Variants in USP3 observed in about 807,000 individuals in gnomAD.
The protein encoded by USP3 is ubiquitin specific peptidase 3.
In USP3, 20 loss-of-function variants were observed where a neutral mutation model predicts 72.3. The observed-to-expected ratio is 0.28, with a 90% CI of 0.19 to 0.40. The LOEUF is 0.40. USP3 is among the 10% of genes least tolerant of loss of function. The pLI is 1.00. For missense variants in USP3, 479 were observed against 633.9 expected, an observed-to-expected ratio of 0.76 and a Z score of 2.62; for synonymous variants, 222 against 225.3, an observed-to-expected ratio of 0.99 and a Z score of 0.13.
chr15:63,522,479 G>T lies in USP3; in HGVS notation c.92-10168G>T, dbSNP rs572452822. On this transcript the variant is annotated intron_variant, in intron 1 of 14. Coordinates refer to ENST00000380324, the MANE Select transcript of USP3 (RefSeq NM_006537.4). Reference sequence around the variant, plus strand: ...GGAAAGGTTGGGAAAGTAGGCTAAAGCACAGTCTCAAAATTAGCCTCTAAG... The same window carrying T: ...GGAAAGGTTGGGAAAGTAGGCTAAATCACAGTCTCAAAATTAGCCTCTAAG... Among the ~76,000 whole-genome samples the T allele has an allele frequency of 2.0e-4, 31 of 152,326 alleles. No homozygotes were observed. In the South Asian group the frequency reaches 6.4e-3, roughly 32 times the overall value.
rs183947823 is a variant in USP3 at position 63,512,650 on chromosome 15, G to T, written c.91+7820G>T. Among the ~76,000 whole-genome samples the T allele has an allele frequency of 1.7e-3, 261 of 152,030 alleles. 1 individual carries two copies. Among genetic ancestry groups the T allele is most frequent in the African/African-American group, 6.0e-3 (250 of 41,448 alleles). Reference sequence around the variant, plus strand: ...AGTAGAGACGGGGTTTCACTGTGTTGGCCAGGCTGGTCTTGAACTCCTGAC... The same window carrying T: ...AGTAGAGACGGGGTTTCACTGTGTTTGCCAGGCTGGTCTTGAACTCCTGAC... On this transcript the variant is annotated intron_variant, in intron 1 of 14. Transcript: ENST00000380324.
chr15:63,514,145 T>G (rs2152649053), intron 1 of USP3, among the ~76,000 whole-genome samples: 1 of 152,362 alleles, frequency 6.6e-6, no homozygotes, highest in Non-Finnish European at 1.5e-5. Context: ...AATTTAATTC[T>G]GAGAGCTTAA....
At chr15:63,522,802 A>G (rs2065936699) in intron 1 of USP3, among the ~76,000 whole-genome samples, 1 of 152,226 alleles carries the variant, frequency 6.6e-6, no homozygotes, top group Non-Finnish European at 1.5e-5. Flanking sequence ...TTGACATTTT[A>G]TTCATTGCTA....
intron 9 of USP3, among the ~76,000 whole-genome samples, chr15:63,571,462 G>T (rs760124535): frequency 3.9e-5 from 6 of 152,202 alleles, no homozygotes; most frequent in Non-Finnish European, 8.8e-5. Flanking sequence ...CAAAATGATT[G>T]TCCCTCTAGG....
rs1336403823 is a variant in USP3, at chr15:63,591,870, A to G, written c.*1044A>G. ...TCTGGCCTATCCTGATTGATAGGAC[A>G]AGTTGAAAATACTGTTGGAGTAAGT... On this transcript the variant is annotated 3_prime_UTR_variant, in exon 15 of 15. Coordinates refer to ENST00000380324, the MANE Select transcript of USP3 (RefSeq NM_006537.4). The G allele has an allele frequency of 6.6e-6, 1 of 151,840 alleles. No individual in the cohort carries two copies. The highest frequency in any genetic ancestry group is 1.5e-5 in the Non-Finnish European group (1 of 67,954). The allele number at this position is 151,840 out of a possible 1,614,324, so 9.4% of individuals were successfully genotyped here. A position where few individuals can be genotyped will look rare whatever the true frequency, so the allele number is the denominator to read the frequency against.
chr15:63,581,348 TGTG>T (rs2066956937), intron 11 of USP3, among the ~76,000 whole-genome samples: 7 of 4,226 alleles, frequency 1.7e-3, no homozygotes, highest in East Asian at 6.1e-3. Flanking sequence ...TTGGTTTTTG[TGTG>T]TGTGTGTGTG....
At chr15:63,579,414 A>T (rs1287884550) in intron 11 of USP3, among the ~76,000 whole-genome samples, 1 of 152,252 alleles carries the variant, frequency 6.6e-6, no homozygotes, top group East Asian at 1.9e-4. Context: ...TGCTAATGTA[A>T]AATATTTATG....
chr15:63,568,238 G>GC (rs1238457742), intron 8 of USP3, among the ~76,000 whole-genome samples: 2 of 151,874 alleles, frequency 1.3e-5, no homozygotes, highest in East Asian at 3.9e-4. Context: ...TGTAATCCCA[G>GC]CTACTCTGGA....
intron 14 of USP3, 65 bp from the exon 15 acceptor site, chr15:63,590,596 A>G: frequency 7.2e-7 from 1 of 1,382,778 alleles, no homozygotes. Context: ...CTAACATTAT[A>G]TAGTTGTACA....
intron 1 of USP3, among the ~76,000 whole-genome samples, chr15:63,513,304 A>T (rs144768232): frequency 6.6e-6 from 1 of 152,236 alleles, no homozygotes; most frequent in Admixed American, 6.5e-5. Flanking sequence ...TTAACTGATT[A>T]TAAGAAAGTA....
chr15:63,534,535 T>C (rs958789243), intron 2 of USP3, among the ~76,000 whole-genome samples: 6 of 152,182 alleles, frequency 3.9e-5, no homozygotes, highest in African/African-American at 1.4e-4. Flanking sequence ...AATCCAAAAC[T>C]AGATGAGGGA....
intron 1 of USP3, among the ~76,000 whole-genome samples, chr15:63,518,512 A>T (rs1232135708): frequency 2.0e-5 from 3 of 152,224 alleles, no homozygotes; most frequent in Admixed American, 6.5e-5. Context: ...TATGATCTTA[A>T]TTGGAAGTAA....
chr15:63,575,625 C>T (rs1489244391), intron 11 of USP3, among the ~76,000 whole-genome samples: 3 of 152,170 alleles, frequency 2.0e-5, no homozygotes, highest in Non-Finnish European at 4.4e-5. Context: ...TGTTGATTGT[C>T]TCCTTAACAG....
At position 63,588,514 on chromosome 15, in the gene USP3, G is replaced by A; in HGVS notation, c.1215+91G>A. On this transcript the variant is annotated intron_variant, in intron 12 of 14. Transcript: ENST00000380324. The surrounding 1 kb of genome is among the most constrained non-coding windows in gnomAD (Gnocchi z 4.6). ...TCTATAACTTTACACTATGTGAACT[G>A]TTCTGTATTTTTCTCTAGGATTTTC... is the stretch of plus-strand genomic sequence containing the variant. The A allele has an allele frequency of 1.9e-6, 2 of 1,069,912 alleles. No individual in the cohort carries two copies. The highest frequency in any genetic ancestry group is 2.8e-6 in the Non-Finnish European group (2 of 722,712). The allele number at this position is 1,069,912 out of a possible 1,614,324, so 66.3% of individuals were successfully genotyped here.
intron 3 of USP3, among the ~76,000 whole-genome samples, chr15:63,546,571 T>C (rs12914183): frequency 0.48 from 72,526 of 152,014 alleles, 18,256 homozygotes; most frequent in Non-Finnish European, 0.56. Flanking sequence ...TTTTAGAACT[T>C]TTAAATCCAT....
intron 2 of USP3, among the ~76,000 whole-genome samples, chr15:63,534,321 G>A (rs558815693): frequency 1.3e-5 from 2 of 152,104 alleles, no homozygotes; most frequent in Non-Finnish European, 2.9e-5. Context: ...TAGACTGCTT[G>A]TCTTTAGGGA....
intron 11 of USP3, among the ~76,000 whole-genome samples, chr15:63,576,797 T>C (rs1228866704): frequency 3.3e-5 from 5 of 152,216 alleles, no homozygotes; most frequent in Non-Finnish European, 7.3e-5. Context: ...CTTTAAAAAG[T>C]CGATGACAGG....
At chr15:63,537,735 G>T (rs1351584686) in intron 3 of USP3, among the ~76,000 whole-genome samples, 1 of 152,136 alleles carries the variant, frequency 6.6e-6, no homozygotes, top group Non-Finnish European at 1.5e-5. Flanking sequence ...GCCCAGGCTG[G>T]AGTGCAATGG....
At position 63,593,815 on chromosome 15, in the gene USP3, T is replaced by C. The variant is rs1445506590; in HGVS notation, c.*2989T>C. The C allele has an allele frequency of 6.6e-6, 1 of 152,258 alleles. No homozygotes were observed. Among genetic ancestry groups the C allele is most frequent in the Non-Finnish European group, 1.5e-5 (1 of 68,046 alleles). The allele number at this position is 152,258 out of a possible 1,614,324, so 9.4% of individuals were successfully genotyped here. ...CCTTGTGCCATGTTGTCTCCAGCAA[T>C]ATATGTGGCTTCTGGCTCAGAGCTT... On this transcript the variant is annotated 3_prime_UTR_variant, in exon 15 of 15. Transcript: ENST00000380324.
Sources: allele counts gnomAD v4.1 joint callset (sites outside exome capture counted in the v4.1 genomes callset), GRCh38; gene constraint gnomAD v4.1.1; non-coding constraint Gnocchi (gnomAD v3.1); transcripts MANE v1.5; gene names NCBI Gene and HGNC (gene_info 2026-07-23, HGNC 2026-07-21).